The following AHSG variants were observed in gnomAD, a reference collection of about 807,000 sequenced individuals.
AHSG encodes the protein alpha-2-HS-glycoprotein.
In AHSG, 23 loss-of-function variants were observed where a neutral mutation model predicts 30.1. The ratio of observed to expected loss-of-function variants is 0.76; its 90% CI spans 0.55 to 1.08. The LOEUF is 1.08. AHSG is among the 50% of genes least tolerant of loss of function. AHSG has a pLI of 0.00. For missense variants in AHSG, 469 were observed against 459.5 expected, an observed-to-expected ratio of 1.02 and a Z score of -0.19; for synonymous variants, 164 against 186.3, an observed-to-expected ratio of 0.88 and a Z score of 0.98.
At chr3:186,617,902 A>G (rs1166448804) in intron 4 of AHSG, 1 of 181,816 alleles carries the variant, frequency 5.5e-6, no homozygotes, top group East Asian at 1.4e-4. Context: ...TCTGGATATC[A>G]GCCATGGCCA....
In AHSG at chr3:186,613,285, C is replaced by A. The variant is rs777116283; in HGVS notation, c.144C>A (p.Ile48=). The A allele has an allele frequency of 4.3e-6, 7 of 1,614,184 alleles. No individual in the cohort carries two copies. In the East Asian group the frequency reaches 1.6e-4, roughly 36 times the overall value. ...CAGCTCTGGTGGCTATAGACTACAT[C>A]AATCAAAACCTTCCTTGGGGATACA... ...EEAALVAIDY[I]NQNLPWGYKH... The change falls in exon 1 of 7, where the codon ATC becomes ATA. Residue 48 remains isoleucine (I), a synonymous_variant. Coordinates refer to ENST00000411641, the MANE Select transcript of AHSG (RefSeq NM_001622.4).
Position 186,621,004 on chromosome 3 carries a change from TG to T in AHSG, c.*80del. ...CATTTTGTCCAAGCCTGGGCATGGG[TG>T]GGGGGCCTTGTCTGCTGGCCACGCA... On this transcript the variant is annotated 3_prime_UTR_variant, in exon 7 of 7. Coordinates refer to ENST00000411641, the MANE Select transcript of AHSG (RefSeq NM_001622.4). 6.9e-7 allele frequency: 1 copy of T among 1,444,142 alleles called. No homozygotes were observed. 89.5% of individuals were successfully genotyped at this position (1,444,142 alleles called of 1,614,324 possible).
Position 186,613,114 on chromosome 3 carries a change from C to CGCCT in AHSG, c.-24_-21dup. 1.2e-6 allele frequency: 2 copies of CGCCT among 1,610,922 alleles called. No individual in the cohort carries two copies. Among genetic ancestry groups the CGCCT allele is most frequent in the Non-Finnish European group, 1.7e-6 (2 of 1,177,776 alleles). On this transcript the variant is annotated 5_prime_UTR_variant, in exon 1 of 7. Transcript: ENST00000411641. Reference sequence around the variant, plus strand: ...GTCCCGAAGCCTCCAACCACCTGCACGCCTGCCAGGGCCTCTCTGGGGCAG... The same window carrying CGCCT: ...GTCCCGAAGCCTCCAACCACCTGCACGCCTGCCTGCCAGGGCCTCTCTGGGGCAG...
chr3:186,616,577 G>A, intron 3 of AHSG, 50 bp downstream of exon 3: 2 of 1,433,728 alleles, frequency 1.4e-6, no homozygotes, highest in Non-Finnish European at 1.9e-6. Flanking sequence ...AGAAAGTGGG[G>A]AAGGGATCTG....
chr3:186,613,701 G>T (rs187898500), intron 1 of AHSG, among the ~76,000 whole-genome samples: 3 of 152,196 alleles, frequency 2.0e-5, no homozygotes, highest in Non-Finnish European at 2.9e-5. Flanking sequence ...TGAAAATCAC[G>T]TATCTGTCTT....
intron 4 of AHSG, 122 bp from the exon 5 acceptor site, chr3:186,618,414 T>C: frequency 1.4e-6 from 2 of 1,474,100 alleles, no homozygotes; most frequent in South Asian, 2.7e-5. Flanking sequence ...ACATGTCTTC[T>C]GGGCCGACGC....
chr3:186,617,627 C>T (rs1300433873), intron 4 of AHSG: 1 of 523,246 alleles, frequency 1.9e-6, no homozygotes, highest in South Asian at 2.0e-5. Flanking sequence ...TCCCTCCGTT[C>T]CAGCTAAAAC....
At chr3:186,616,932 A>T (rs1716321805) in intron 3 of AHSG, among the ~76,000 whole-genome samples, 1 of 152,242 alleles carries the variant, frequency 6.6e-6, no homozygotes, top group African/African-American at 2.4e-5. Context: ...ACTGCACTCC[A>T]GCCTGAGTGA....
intron 4 of AHSG, 159 bp downstream of exon 4, chr3:186,617,509 G>T (rs1322606551): frequency 7.3e-7 from 1 of 1,364,286 alleles, no homozygotes; most frequent in Non-Finnish European, 1.0e-6. Flanking sequence ...ATCCTAAGGG[G>T]GTATGAGGCT....
chr3:186,614,846 G>A (rs1716248224), intron 1 of AHSG, among the ~76,000 whole-genome samples: 1 of 152,194 alleles, frequency 6.6e-6, no homozygotes, highest in African/African-American at 2.4e-5. Context: ...ACCAATGAGA[G>A]GCAAACAGAG....
Position 186,620,588 on chromosome 3 carries a change from C to A in AHSG, c.762C>A (p.Pro254=). 6.3e-7 allele frequency: 1 copy of A among 1,589,686 alleles called. No individual in the cohort carries two copies. The highest frequency in any genetic ancestry group is 8.6e-7 in the Non-Finnish European group (1 of 1,162,232). ...GAAGGAAATGGTCCTTTTTCCAGCC[C>A]GTGAGCTCACAGCCCCAACCAGAAG... ...AVTCMVFQTQ[P]VSSQPQPEGA... is the part of the protein sequence containing the mutation. The change falls in exon 7 of 7, where the codon CCC becomes CCA. Residue 254 remains proline (P), a splice_region_variant and synonymous_variant. Coordinates refer to ENST00000411641, the MANE Select transcript of AHSG (RefSeq NM_001622.4).
intron 2 of AHSG, 96 bp from the exon 3 acceptor site, chr3:186,616,347 T>G: frequency 1.2e-6 from 1 of 866,078 alleles, no homozygotes; most frequent in Non-Finnish European, 1.8e-6. Context: ...CAAAGGCGAT[T>G]TTGCAAGGGT....
chr3:186,613,064 C>T lies in AHSG; in HGVS notation c.-78C>T. ...AGCCCACCACCCTCCATGGGTCTAC[C>T]TTTCCCAGCAGAGCACCTGGGTTGG... On this transcript the variant is annotated 5_prime_UTR_variant, in exon 1 of 7. Transcript: ENST00000411641. The T allele has an allele frequency of 1.5e-6, 2 of 1,360,448 alleles. No individual in the cohort carries two copies. Among genetic ancestry groups the T allele is most frequent in the Non-Finnish European group, 2.1e-6 (2 of 963,498 alleles). 84.3% of individuals were successfully genotyped at this position (1,360,448 alleles called of 1,614,324 possible).
At chr3:186,618,713 G>T in intron 5 of AHSG, 76 bp downstream of exon 5, 1 of 1,556,316 alleles carries the variant, frequency 6.4e-7, no homozygotes, top group East Asian at 2.4e-5. Flanking sequence ...TGGATAGTTT[G>T]TATCTTGGGG....
Position 186,620,853 on chromosome 3 carries a change from G to T in AHSG, c.1027G>T (p.Val343Leu). The change falls in exon 7 of 7, where the codon GTG becomes TTG. Residue 343 changes from valine (V) to leucine (L), a missense_variant. Physicochemically the swap from Val to Leu is conservative, Grantham distance 32. Coordinates refer to ENST00000411641, the MANE Select transcript of AHSG (RefSeq NM_001622.4). ...VSHPRKTRTV[V>L]QPSVGAAAGP... ...GCACCCCCGGAAAACACGCACAGTG[G>T]TGCAGCCTAGTGTTGGTGCTGCTGC... 2 of 1,614,164 alleles carry T rather than the reference G, an allele frequency of 1.2e-6. No individual in the cohort carries two copies. Among genetic ancestry groups the T allele is most frequent in the Non-Finnish European group, 1.7e-6 (2 of 1,180,044 alleles).
chr3:186,613,480 A>ACTCCTG, intron 1 of AHSG, 126 bp downstream of exon 1: 1 of 931,038 alleles, frequency 1.1e-6, no homozygotes, highest in Non-Finnish European at 1.6e-6. Context: ...ATTTCTTCCC[A>ACTCCTG]GGAGTGAGGG....
chr3:186,619,412 G>A (rs1027985241), intron 5 of AHSG, among the ~76,000 whole-genome samples: 1 of 152,136 alleles, frequency 6.6e-6, no homozygotes. Flanking sequence ...ATGTCCAACA[G>A]GAAGGTGTCA....
Position 186,620,844 on chromosome 3 carries a change from C to T in AHSG, c.1018C>T (p.Arg340Cys), listed in dbSNP as rs573820635. ...AGAAGTGTCGCACCCCCGGAAAACA[C>T]GCACAGTGGTGCAGCCTAGTGTTGG... ...SGEVSHPRKT[R>C]TVVQPSVGAA... Residue 340 changes from arginine (R) to cysteine (C), a missense_variant, in exon 7 of 7, where the codon CGC (arginine) becomes TGC (cysteine). Coordinates refer to ENST00000411641, the MANE Select transcript of AHSG (RefSeq NM_001622.4). The T allele has an allele frequency of 1.0e-4, 165 of 1,614,158 alleles. 2 individuals are homozygous for T. The South Asian group carries it at 1.5e-3, about 14-fold the overall frequency.
chr3:186,613,626 A>G lies in AHSG; in HGVS notation c.213+272A>G, dbSNP rs117199937. 2.8e-4 allele frequency among the ~76,000 whole-genome samples: 43 copies of G among 152,306 alleles called. No individual in the cohort carries two copies. The East Asian group carries it at 8.3e-3, about 29-fold the overall frequency. On this transcript the variant is annotated intron_variant, in intron 1 of 6. Coordinates refer to ENST00000411641, the MANE Select transcript of AHSG (RefSeq NM_001622.4). ...GGTAGTGTGCAGATCACAGACAGAA[A>G]GTGTAACTTGCTGGAAAAACTAGGA... is the stretch of plus-strand genomic sequence containing the variant.
Sources: gnomAD v4.1 joint callset for allele counts (sites outside exome capture counted in the v4.1 genomes callset) on GRCh38, gnomAD v4.1.1 for gene constraint, MANE v1.5 for transcripts, NCBI Gene and HGNC (gene_info 2026-07-23, HGNC 2026-07-21) for gene names.